The following F13A1 variants were observed in gnomAD, a reference collection of about 807,000 sequenced individuals.
F13A1 encodes the protein coagulation factor XIII A chain, also known as FSF, A subunit.
Under a neutral mutation model 80.1 loss-of-function variants are expected in F13A1, and 47 were observed. That is an observed-to-expected ratio of 0.59 (90% CI 0.46 to 0.75). The LOEUF is 0.75. Ranked by LOEUF, F13A1 falls within the 30% of genes least tolerant of loss-of-function variation. F13A1 has a pLI of 0.00. For synonymous variants in F13A1, 349 were observed against 344.9 expected (o/e 1.01, Z -0.13); for missense variants, 817 against 930.4 (o/e 0.88, Z 1.59).
rs1200385922 is a variant in F13A1, at chr6:6,250,141, T to A, written c.690+670A>T. ...CTGAGAAATGACATTCGCCCCCGCT[T>A]GTGTCGCTAATTAAAAATCATTTTG... On this transcript the variant is annotated intron_variant, in intron 5 of 14. Coordinates refer to ENST00000264870, the MANE Select transcript of F13A1 (RefSeq NM_000129.4). The surrounding 1 kb of genome is among the most constrained non-coding windows in gnomAD (Gnocchi z 4.2). 6.6e-6 allele frequency among the ~76,000 whole-genome samples: 1 copy of A among 152,192 alleles called. No homozygotes were observed. Among genetic ancestry groups the A allele is most frequent in the Non-Finnish European group, 1.5e-5 (1 of 68,028 alleles).
Position 6,144,853 on chromosome 6 carries a change from G to C in F13A1, c.*766C>G, listed in dbSNP as rs1760250210. ...CTTCCTAGTATTGCATCCCAGAAAG[G>C]GTTAAAGTAAGGGATATTGGCTCCT... On this transcript the variant is annotated 3_prime_UTR_variant, in exon 15 of 15. Coordinates refer to ENST00000264870, the MANE Select transcript of F13A1 (RefSeq NM_000129.4). 6.6e-6 allele frequency: 1 copy of C among 152,662 alleles called. No individual in the cohort carries two copies. The highest frequency in any genetic ancestry group is 2.4e-5 in the African/African-American group (1 of 41,428). 9.5% of individuals were successfully genotyped at this position (152,662 alleles called of 1,614,324 possible).
Position 6,151,952 on chromosome 6 carries a change from A to G in F13A1, c.1909-3T>C, listed in dbSNP as rs560058257. The G allele has an allele frequency of 6.2e-6, 10 of 1,613,774 alleles. No individual in the cohort carries two copies. Among genetic ancestry groups the G allele is most frequent in the East Asian group, 2.2e-5 (1 of 44,872 alleles). ...CCAACTACCTGAGTGCCACGGACCTAAGAGAGAGAATGCAGGTCATTAGCA... is the reference window on the plus strand; with the variant it reads ...CCAACTACCTGAGTGCCACGGACCTGAGAGAGAGAATGCAGGTCATTAGCA... On this transcript the variant is annotated splice_polypyrimidine_tract_variant and splice_region_variant and intron_variant, in intron 13 of 14. Transcript: ENST00000264870.
chr6:6,314,163 G>A (rs1399836687), intron 2 of F13A1, among the ~76,000 whole-genome samples: 1 of 151,830 alleles, frequency 6.6e-6, no homozygotes, highest in Non-Finnish European at 1.5e-5. Context: ...TGTATTTTTA[G>A]TAGAGACAGG....
chr6:6,287,590 G>A (rs1758157302), intron 3 of F13A1, among the ~76,000 whole-genome samples: 1 of 152,022 alleles, frequency 6.6e-6, no homozygotes, highest in Non-Finnish European at 1.5e-5. Flanking sequence ...GCTCTGTGTG[G>A]CACCCTTAAT....
chr6:6,161,765 G>C (rs1036708780), intron 13 of F13A1, among the ~76,000 whole-genome samples: 14 of 152,126 alleles, frequency 9.2e-5, no homozygotes, highest in African/African-American at 3.1e-4. Flanking sequence ...GTGGGTGCTG[G>C]GAATGGTTGA....
intron 3 of F13A1, among the ~76,000 whole-genome samples, chr6:6,275,482 G>A (rs916785009): frequency 9.2e-5 from 14 of 152,106 alleles, no homozygotes; most frequent in African/African-American, 3.4e-4. Flanking sequence ...CGATTCTCCT[G>A]CCTCAGCCTC....
intron 2 of F13A1, among the ~76,000 whole-genome samples, chr6:6,310,845 T>C (rs1742940): frequency 0.73 from 111,374 of 151,940 alleles, 41,241 homozygotes; most frequent in East Asian, 0.86. Flanking sequence ...AGGCATGGTG[T>C]GAGGCTGGAA....
At chr6:6,149,638 C>T (rs769684344) in intron 14 of F13A1, among the ~76,000 whole-genome samples, 1 of 152,310 alleles carries the variant, frequency 6.6e-6, no homozygotes, top group South Asian at 2.1e-4. Flanking sequence ...TCATCAGGAA[C>T]CGAATTGGTC....
intron 4 of F13A1, among the ~76,000 whole-genome samples, chr6:6,258,912 C>T (rs1199714373): frequency 1.3e-5 from 2 of 152,134 alleles, no homozygotes; most frequent in Non-Finnish European, 2.9e-5. Flanking sequence ...CCAAATAGGT[C>T]GGAGTCCCCA....
At chr6:6,197,166 A>G in intron 9 of F13A1, 57 bp downstream of exon 9, 2 of 1,554,116 alleles carry the variant, frequency 1.3e-6, no homozygotes, top group Non-Finnish European at 1.8e-6. Flanking sequence ...TGCAAGCATA[A>G]AAGCAAAACA....
At chr6:6,216,760 A>G (rs2113047569) in intron 8 of F13A1, among the ~76,000 whole-genome samples, 1 of 138,628 alleles carries the variant, frequency 7.2e-6, no homozygotes. Context: ...ATGGGAGAAA[A>G]TTTTCGCAAC....
chr6:6,174,477 AG>A (rs2151074959), intron 12 of F13A1, 102 bp downstream of exon 12: 1 of 1,261,686 alleles, frequency 7.9e-7, no homozygotes, highest in South Asian at 1.2e-5. Context: ...GAGATCTTGG[AG>A]GGAACTTTAA....
At chr6:6,201,314 T>A (rs1015991692) in intron 8 of F13A1, among the ~76,000 whole-genome samples, 10 of 152,228 alleles carry the variant, frequency 6.6e-5, no homozygotes, top group Non-Finnish European at 1.3e-4. Context: ...TCTCTTCTAG[T>A]TTCACTCATG....
chr6:6,243,131 C>G lies in F13A1; in HGVS notation c.798+5181G>C, dbSNP rs1053775638. Among the ~76,000 whole-genome samples the G allele has an allele frequency of 6.6e-6, 1 of 151,694 alleles. No homozygotes were observed. Among genetic ancestry groups the G allele is most frequent in the African/African-American group, 2.4e-5 (1 of 41,272 alleles). The stretch of plus-strand genomic sequence containing the variant: ...ACCACCACCACTACCACTATCACCA[C>G]CATCATAAATCACCACCACCACCAC... On this transcript the variant is annotated intron_variant, in intron 6 of 14. Transcript: ENST00000264870. This position sits in a 1 kb window ranked among gnomAD's most constrained non-coding sequence, Gnocchi z 4.2.
chr6:6,158,488 T>A (rs1311621293), intron 13 of F13A1, among the ~76,000 whole-genome samples: 1 of 152,188 alleles, frequency 6.6e-6, no homozygotes, highest in African/African-American at 2.4e-5. Context: ...GAGAACCTCC[T>A]CACCTATAGG....
At chr6:6,276,091 T>C (rs1298864462) in intron 3 of F13A1, among the ~76,000 whole-genome samples, 4 of 152,220 alleles carry the variant, frequency 2.6e-5, no homozygotes, top group East Asian at 1.9e-4. Context: ...CAACCACTTA[T>C]AGTTTGTCTC....
chr6:6,179,371 A>G (rs1760939347), intron 11 of F13A1, among the ~76,000 whole-genome samples: 1 of 152,246 alleles, frequency 6.6e-6, no homozygotes, highest in Non-Finnish European at 1.5e-5. Flanking sequence ...TTAATTCATT[A>G]AAATAGTTAA....
intron 2 of F13A1, among the ~76,000 whole-genome samples, chr6:6,317,808 T>G (rs1223132288): frequency 6.6e-6 from 1 of 152,206 alleles, no homozygotes; most frequent in Non-Finnish European, 1.5e-5. Context: ...CCCTGCTCAA[T>G]GCCACTCGGG....
At position 6,250,066 on chromosome 6, in the gene F13A1, T is replaced by A. The variant is rs1267929900; in HGVS notation, c.690+745A>T. Among the ~76,000 whole-genome samples the A allele has an allele frequency of 1.3e-5, 2 of 152,166 alleles. No homozygotes were observed. Among genetic ancestry groups the A allele is most frequent in the Non-Finnish European group, 2.9e-5 (2 of 68,032 alleles). On this transcript the variant is annotated intron_variant, in intron 5 of 14. Coordinates refer to ENST00000264870, the MANE Select transcript of F13A1 (RefSeq NM_000129.4). This position sits in a 1 kb window ranked among gnomAD's most constrained non-coding sequence, Gnocchi z 4.2. ...ACCAGATTCCATGAAAACTCCCTGC[T>A]GGATGCCCAGCGCAATGATGCACAG...
Sources: gnomAD v4.1 joint callset for allele counts (sites outside exome capture counted in the v4.1 genomes callset) on GRCh38, gnomAD v4.1.1 for gene constraint, Gnocchi (gnomAD v3.1) non-coding constraint, MANE v1.5 for transcripts, NCBI Gene and HGNC (gene_info 2026-07-23, HGNC 2026-07-21) for gene names.